Variants in RALGAPA2 observed in about 807,000 individuals in gnomAD.
The protein encoded by RALGAPA2 is ral GTPase-activating protein subunit alpha-2.
RALGAPA2 carries 139 observed loss-of-function variants against 230.4 expected under a neutral mutation model. The ratio of observed to expected loss-of-function variants is 0.60; its 90% confidence interval spans 0.53 to 0.69. The LOEUF (loss-of-function observed/expected upper bound fraction) is 0.69. Ranked by LOEUF, RALGAPA2 falls within the 30% of genes least tolerant of loss-of-function variation. The probability of loss-of-function intolerance (pLI) is 0.00; values close to 1 mark genes in which losing one functional copy is unlikely to be tolerated. For missense variants in RALGAPA2, 2,163 were observed against 2,276.0 expected, an observed-to-expected ratio of 0.95 and a Z score of 1.01; for synonymous variants, 847 against 837.8, an observed-to-expected ratio of 1.01 and a Z score of -0.19.
At chr20:20,401,839 T>C (rs2059847203) in intron 38 of RALGAPA2, among the ~76,000 whole-genome samples, 1 of 152,246 alleles carries the variant, frequency 6.6e-6, no homozygotes, top group African/African-American at 2.4e-5. Flanking sequence ...ATTTCTGTGG[T>C]GCTCCTTTTG....
intron 35 of RALGAPA2, among the ~76,000 whole-genome samples, chr20:20,497,622 A>G (rs749214925): frequency 1.3e-5 from 2 of 152,240 alleles, no homozygotes; most frequent in Non-Finnish European, 2.9e-5. Context: ...ATTGACTGTG[A>G]GGTAATACCG....
chr20:20,587,251 T>C (rs2065160473), intron 18 of RALGAPA2, among the ~76,000 whole-genome samples: 1 of 152,036 alleles, frequency 6.6e-6, no homozygotes, highest in Admixed American at 6.6e-5. Flanking sequence ...AAAAATAACT[T>C]CCATTAGAAG....
intron 35 of RALGAPA2, among the ~76,000 whole-genome samples, chr20:20,498,075 G>A (rs888319451): frequency 3.3e-5 from 5 of 152,180 alleles, no homozygotes; most frequent in East Asian, 1.9e-4. Context: ...TACTCTGGAT[G>A]GCTCAAAGTG....
Position 20,450,760 on chromosome 20 carries a change from C to T in RALGAPA2, c.5495+22069G>A, listed in dbSNP as rs1236531065. ...TGCCTGTGATCAGCCTGCGCTTTTG[C>T]ACATCGTGCACTGATGTTCCAAACT... On this transcript the variant is annotated intron_variant, in intron 37 of 39. Transcript: ENST00000202677. 3.3e-5 allele frequency among the ~76,000 whole-genome samples: 5 copies of T among 152,244 alleles called. 1 individual carries two copies. The highest frequency in any genetic ancestry group is 3.3e-4 in the Admixed American group (5 of 15,290).
At chr20:20,637,247 C>A in intron 8 of RALGAPA2, 116 bp downstream of exon 8, 1 of 806,110 alleles carries the variant, frequency 1.2e-6, no homozygotes, top group Middle Eastern at 3.7e-4. Context: ...ATAAAGTTAC[C>A]ATTCAATACA....
intron 36 of RALGAPA2, among the ~76,000 whole-genome samples, chr20:20,493,740 T>C (rs963293879): frequency 4.6e-5 from 7 of 152,220 alleles, no homozygotes; most frequent in African/African-American, 1.7e-4. Context: ...ATTTTCAGTT[T>C]AATTCTTTAA....
At chr20:20,684,567 G>A (rs113694402) in intron 1 of RALGAPA2, among the ~76,000 whole-genome samples, 3,311 of 152,210 alleles carry the variant, frequency 0.022, 60 homozygotes, top group Non-Finnish European at 0.032. Flanking sequence ...TCACTAACAA[G>A]ACAACTAGAT....
chr20:20,571,953 CACAA>C lies in RALGAPA2; in HGVS notation c.2902-11_2902-8del. ...TTGCTAGATTATCCCGTATCTAATT[CACAA>C]AGAGGAGAATTTTAGGGTAGGTAAC... is the stretch of plus-strand genomic sequence containing the variant. On this transcript the variant is annotated splice_region_variant and splice_polypyrimidine_tract_variant and intron_variant, in intron 21 of 39. Coordinates refer to ENST00000202677, the MANE Select transcript of RALGAPA2 (RefSeq NM_020343.4). 6.3e-7 allele frequency: 1 copy of C among 1,582,112 alleles called. No individual in the cohort carries two copies. Among genetic ancestry groups the C allele is most frequent in the Non-Finnish European group, 8.6e-7 (1 of 1,156,136 alleles).
intron 38 of RALGAPA2, among the ~76,000 whole-genome samples, chr20:20,411,317 A>G (rs577357838): frequency 6.6e-6 from 1 of 152,376 alleles, no homozygotes; most frequent in East Asian, 1.9e-4. Flanking sequence ...AACACACAGT[A>G]ATCACATAAT....
chr20:20,559,227 G>A (rs1436270420), intron 23 of RALGAPA2, among the ~76,000 whole-genome samples: 1 of 152,142 alleles, frequency 6.6e-6, no homozygotes, highest in Non-Finnish European at 1.5e-5. Context: ...AAAACAGAGG[G>A]CAACCCTGTG....
chr20:20,595,834 G>T (rs1157273175), intron 16 of RALGAPA2, among the ~76,000 whole-genome samples: 1 of 151,900 alleles, frequency 6.6e-6, no homozygotes, highest in Admixed American at 6.6e-5. Flanking sequence ...TGTAATCCTG[G>T]CTACTCGGGA....
At chr20:20,528,899 T>G (rs2063296920) in intron 27 of RALGAPA2, among the ~76,000 whole-genome samples, 1 of 152,206 alleles carries the variant, frequency 6.6e-6, no homozygotes, top group Non-Finnish European at 1.5e-5. Context: ...CCCCACTGCC[T>G]CCTCTTTCTC....
In RALGAPA2 at chr20:20,467,678, C is replaced by T. The variant is rs6137037; in HGVS notation, c.5495+5151G>A. ...TTTGAAGGAGATGTGATAGAGAAGA[C>T]GGAAGTCATTCAGATACTGGCTAAC... On this transcript the variant is annotated intron_variant, in intron 37 of 39. Transcript: ENST00000202677. Among the ~76,000 whole-genome samples the T allele has an allele frequency of 7.2e-3, 1,091 of 152,190 alleles. 71 individuals are homozygous for T. The East Asian group carries it at 0.16, about 22-fold the overall frequency.
At chr20:20,511,453 T>G in intron 32 of RALGAPA2, 128 bp from the exon 33 acceptor site, 1 of 1,377,188 alleles carries the variant, frequency 7.3e-7, no homozygotes, top group Non-Finnish European at 9.5e-7. Context: ...AGATTTGTGA[T>G]AGAAACCTAC....
At chr20:20,680,664 T>C in intron 2 of RALGAPA2, 27 bp downstream of exon 2, 1 of 1,507,604 alleles carries the variant, frequency 6.6e-7, no homozygotes, top group Non-Finnish European at 8.8e-7. Flanking sequence ...CGAATGTTTT[T>C]TAAAAAAAAA....
chr20:20,640,600 G>T (rs2066998841), intron 6 of RALGAPA2, 101 bp downstream of exon 6: 2 of 1,175,438 alleles, frequency 1.7e-6, no homozygotes, highest in South Asian at 1.6e-5. Context: ...TTCCTCTTCA[G>T]ACTCCATCAG....
chr20:20,402,718 G>A (rs140581343), intron 38 of RALGAPA2, among the ~76,000 whole-genome samples: 2 of 152,324 alleles, frequency 1.3e-5, no homozygotes, highest in East Asian at 1.9e-4. Flanking sequence ...AATACATGGC[G>A]AGTAAACTGT....
At chr20:20,661,604 C>T (rs2146676877) in intron 3 of RALGAPA2, among the ~76,000 whole-genome samples, 1 of 152,218 alleles carries the variant, frequency 6.6e-6, no homozygotes, top group South Asian at 2.1e-4. Context: ...TGACCTCTCC[C>T]CCAAAAACAA....
chr20:20,684,645 A>T (rs542740663), intron 1 of RALGAPA2, among the ~76,000 whole-genome samples: 10 of 152,318 alleles, frequency 6.6e-5, no homozygotes, highest in African/African-American at 2.4e-4. Flanking sequence ...CAGTTTATGT[A>T]CATGTGTTGA....
Sources: gnomAD v4.1 joint callset for allele counts (sites outside exome capture counted in the v4.1 genomes callset) on GRCh38, gnomAD v4.1.1 for gene constraint, MANE v1.5 for transcripts, NCBI Gene and HGNC (gene_info 2026-07-23, HGNC 2026-07-21) for gene names.